The following OR2L13 variants were observed in gnomAD, a reference collection of about 807,000 sequenced individuals.
OR2L13 encodes olfactory receptor 2L13.
A neutral mutation model predicts 15.3 loss-of-function variants in OR2L13; 14 were observed. The observed-to-expected ratio is 0.91, with a 90% CI of 0.60 to 1.43. The LOEUF is 1.43. Among genes scored for constraint, OR2L13 ranks in the 40% most tolerant of loss-of-function variants. The probability of loss-of-function intolerance (pLI) is 0.00; values close to 1 mark genes in which losing one functional copy is unlikely to be tolerated. For missense variants in OR2L13, 367 were observed against 387.9 expected (o/e 0.95, Z 0.45); for synonymous variants, 152 against 142.9 (o/e 1.06, Z -0.45).
At chr1:248,061,433 A>G in the OR2L13 span, 12 of 1,613,944 alleles carry the variant, frequency 7.4e-6, no homozygotes, top group Non-Finnish European at 1.0e-5. Flanking sequence ...ACTTTCTACT[A>G]TGCACCTTTT....
At chr1:248,048,086 A>C in the OR2L13 span, among the ~76,000 whole-genome samples, 12 of 152,198 alleles carry the variant, frequency 7.9e-5, no homozygotes, top group Non-Finnish European at 1.3e-4. Context: ...CCAAAATAAC[A>C]GTCAAAGGAT....
chr1:247,941,798 C>T, the OR2L13 span, among the ~76,000 whole-genome samples: 1 of 152,136 alleles, frequency 6.6e-6, no homozygotes, highest in African/African-American at 2.4e-5. Flanking sequence ...TTAATGAATA[C>T]AATGTGTGGC....
chr1:247,980,632 C>T, the OR2L13 span, among the ~76,000 whole-genome samples: 1 of 152,138 alleles, frequency 6.6e-6, no homozygotes, highest in Non-Finnish European at 1.5e-5. Flanking sequence ...GGACTAAGGC[C>T]ATCCTATGTT....
intron 2 of OR2L13, 143 bp from the exon 3 acceptor site, chr1:248,099,215 A>C (rs1056756593): frequency 1.6e-5 from 10 of 607,156 alleles, no homozygotes; most frequent in Non-Finnish European, 2.9e-5. Flanking sequence ...AGATATAGAA[A>C]TTGATTAAAA....
chr1:247,965,718 C>G, the OR2L13 span: 2 of 1,556,144 alleles, frequency 1.3e-6, no homozygotes, highest in Non-Finnish European at 1.7e-6. Context: ...AAGCCCTTCT[C>G]CTTGGTTTTA....
the OR2L13 span, among the ~76,000 whole-genome samples, chr1:248,070,767 G>T: frequency 6.6e-6 from 1 of 152,078 alleles, no homozygotes; most frequent in African/African-American, 2.4e-5. Context: ...GAATCAAATA[G>T]ACGCAATAAA....
the OR2L13 span, among the ~76,000 whole-genome samples, chr1:247,984,126 A>G: frequency 6.6e-6 from 1 of 152,180 alleles, no homozygotes; most frequent in Non-Finnish European, 1.5e-5. Flanking sequence ...ACACAAAGTC[A>G]TATAAACTTG....
the OR2L13 span, among the ~76,000 whole-genome samples, chr1:248,089,491 C>T: frequency 6.6e-6 from 1 of 152,070 alleles, no homozygotes; most frequent in Non-Finnish European, 1.5e-5. Flanking sequence ...GTAAGTTCCT[C>T]CAAGTGCAGA....
At chr1:248,099,651 C>G in exon 3 of OR2L13, 1 of 1,614,172 alleles carries the variant, frequency 6.2e-7, no homozygotes, top group Non-Finnish European at 8.5e-7. Flanking sequence ...AAGGCATCTC[C>G]TTCCTGGGAT....
At chr1:248,099,984 C>T in exon 3 of OR2L13, 1 of 1,614,056 alleles carries the variant, frequency 6.2e-7, no homozygotes, top group Admixed American at 1.7e-5. Context: ...TAAGTACAAG[C>T]CTCTTTCTCC....
At chr1:247,980,339 T>C in the OR2L13 span, among the ~76,000 whole-genome samples, 1 of 152,194 alleles carries the variant, frequency 6.6e-6, no homozygotes, top group East Asian at 1.9e-4. Flanking sequence ...TTTTAATACC[T>C]TCTACTTATG....
the OR2L13 span, among the ~76,000 whole-genome samples, chr1:248,081,891 C>G: frequency 4.6e-5 from 7 of 152,166 alleles, no homozygotes; most frequent in African/African-American, 1.4e-4. Context: ...CTCATTTGTT[C>G]TAAAACAAGC....
At chr1:247,971,220 T>C in the OR2L13 span, among the ~76,000 whole-genome samples, 1 of 151,994 alleles carries the variant, frequency 6.6e-6, no homozygotes, top group Non-Finnish European at 1.5e-5. Context: ...TTTACTTTGC[T>C]TTTTTTTAGT....
At chr1:247,973,671 G>GA in the OR2L13 span, among the ~76,000 whole-genome samples, 1 of 152,118 alleles carries the variant, frequency 6.6e-6, no homozygotes. Context: ...ACAAACATTT[G>GA]AAAAAAAGCT....
chr1:248,033,609 G>T, the OR2L13 span, among the ~76,000 whole-genome samples: 7 of 136,210 alleles, frequency 5.1e-5, no homozygotes, highest in East Asian at 6.4e-4. Context: ...GCTAATTTTT[G>T]TTTTTTTTTT....
At chr1:247,963,572 A>T in the OR2L13 span, among the ~76,000 whole-genome samples, 1 of 152,202 alleles carries the variant, frequency 6.6e-6, no homozygotes, top group African/African-American at 2.4e-5. Flanking sequence ...TTGAAACTCC[A>T]GATTTCAGAT....
the OR2L13 span, among the ~76,000 whole-genome samples, chr1:248,077,423 G>A: frequency 6.6e-6 from 1 of 152,206 alleles, no homozygotes; most frequent in African/African-American, 2.4e-5. Context: ...AATGGTACCA[G>A]CTCCTCTTTG....
At chr1:248,003,004 A>C in the OR2L13 span, 1 of 626,190 alleles carries the variant, frequency 1.6e-6, no homozygotes. Flanking sequence ...TTGGTAGGCT[A>C]TTTATTATAG....
chr1:247,980,081 A>G, the OR2L13 span, among the ~76,000 whole-genome samples: 1 of 152,160 alleles, frequency 6.6e-6, no homozygotes, highest in Non-Finnish European at 1.5e-5. Flanking sequence ...CTTTTTCAAG[A>G]TAGAAGGCAT....
Sources: allele counts gnomAD v4.1 joint callset (sites outside exome capture counted in the v4.1 genomes callset), GRCh38; gene constraint gnomAD v4.1.1; transcripts MANE v1.5; gene names NCBI Gene and HGNC (gene_info 2026-07-23, HGNC 2026-07-21).